OPRM1: variants seen among roughly 807,000 people sequenced by gnomAD.
OPRM1 encodes opioid receptor mu 1.
Under a neutral mutation model 31.8 loss-of-function variants are expected in OPRM1, and 27 were observed. The ratio of observed to expected loss-of-function variants is 0.85; its 90% CI spans 0.63 to 1.17. The LOEUF (loss-of-function observed/expected upper bound fraction) is 1.17. OPRM1 is among the 50% of genes most tolerant of loss of function. The pLI is 0.00. For missense variants in OPRM1, 536 were observed against 511.1 expected, an observed-to-expected ratio of 1.05 and a Z score of -0.47; for synonymous variants, 196 against 189.9, an observed-to-expected ratio of 1.03 and a Z score of -0.26.
Position 154,119,522 on chromosome 6 carries a change from A to G in OPRM1, c.*801A>G. The G allele has an allele frequency of 1.3e-6, 1 of 755,520 alleles. No homozygotes were observed. Among genetic ancestry groups the G allele is most frequent in the Non-Finnish European group, 1.6e-6 (1 of 620,666 alleles). The allele number at this position is 755,520 out of a possible 1,614,324, so 46.8% of individuals were successfully genotyped here. ...TGTTCACAAAAGGTAATAGTCAATG[A>G]GCTCATCACTTCATCCATGCAGGAA... On this transcript the variant is annotated 3_prime_UTR_variant, in exon 4 of 4. Transcript: ENST00000330432.
At chr6:154,099,462 AAGAAAG>A (rs1794087717) in intron 3 of OPRM1, among the ~76,000 whole-genome samples, 1 of 148,288 alleles carries the variant, frequency 6.7e-6, no homozygotes, top group Non-Finnish European at 1.5e-5. Flanking sequence ...GAGAGAAAGA[AAGAAAG>A]AAAAAGAAAG....
downstream of OPRM1, among the ~76,000 whole-genome samples, chr6:154,132,579 TC>T (rs1318715977): frequency 1.3e-5 from 2 of 152,196 alleles, no homozygotes; most frequent in African/African-American, 4.8e-5. Flanking sequence ...AACCATAACT[TC>T]CTAAGCTAGA....
At chr6:154,099,300 GAAGGAAGA>G (rs771454262) in intron 3 of OPRM1, among the ~76,000 whole-genome samples, 5,387 of 80,462 alleles carry the variant, frequency 0.067, 188 homozygotes, top group South Asian at 0.16. Context: ...AGGAAGGAAG[GAAGGAAGA>G]AAGGAAGGAA....
Position 154,075,432 on chromosome 6 carries a change from A to G in OPRM1, c.291-14394A>G, listed in dbSNP as rs192560584. On this transcript the variant is annotated intron_variant, in intron 1 of 3. Transcript: ENST00000330432. ...CATAGAGATTAAATCTGTTTTTTAT[A>G]TAACCAACTAAAATAAGCACTTTTT... is the stretch of plus-strand genomic sequence containing the variant. Among the ~76,000 whole-genome samples, 85 of 151,226 alleles carry G rather than the reference A, an allele frequency of 5.6e-4. 1 individual carries two copies. The East Asian group carries it at 0.013, about 23-fold the overall frequency.
intron 3 of OPRM1, among the ~76,000 whole-genome samples, chr6:154,182,762 C>T (rs1258847043): frequency 6.6e-6 from 1 of 152,058 alleles, no homozygotes; most frequent in African/African-American, 2.4e-5. Flanking sequence ...AATATGTTAG[C>T]TGTGGCACCA....
rs1044655696 is a variant in OPRM1 at position 154,096,622 on chromosome 6, G to A, written c.1164+5150G>A. On this transcript the variant is annotated intron_variant, in intron 3 of 3. Coordinates refer to ENST00000330432, the MANE Select transcript of OPRM1 (RefSeq NM_000914.5). ...TACAGATTCAAAAGTGCTTTTATGG[G>A]CATTATCACATCTGCTTCCTATAAC... is the stretch of plus-strand genomic sequence containing the variant. Among the ~76,000 whole-genome samples, 24 of 152,184 alleles carry A rather than the reference G, an allele frequency of 1.6e-4. 1 individual carries two copies. The highest frequency in any genetic ancestry group is 1.2e-3 in the Admixed American group (19 of 15,298).
chr6:154,140,978 A>G (rs1029628226), intron 3 of OPRM1, among the ~76,000 whole-genome samples: 3 of 152,162 alleles, frequency 2.0e-5, no homozygotes, highest in African/African-American at 7.2e-5. Context: ...TCAGTACTAG[A>G]CTTACAGTTT....
intron 3 of OPRM1, among the ~76,000 whole-genome samples, chr6:154,169,056 A>C (rs1427377225): frequency 6.6e-6 from 1 of 151,326 alleles, no homozygotes; most frequent in Non-Finnish European, 1.5e-5. Flanking sequence ...TCTAAGACCA[A>C]AAGCTCACCC....
chr6:154,189,267 G>C (rs1200156287), intron 3 of OPRM1, among the ~76,000 whole-genome samples: 1 of 152,196 alleles, frequency 6.6e-6, no homozygotes, highest in African/African-American at 2.4e-5. Context: ...GGGGCTTTGA[G>C]AGCGCTCATC....
intron 1 of OPRM1, among the ~76,000 whole-genome samples, chr6:154,011,228 T>A (rs1433133129): frequency 6.6e-6 from 1 of 152,180 alleles, no homozygotes; most frequent in African/African-American, 2.4e-5. Context: ...TGTGTGCATG[T>A]CTGTGTTTTC....
chr6:154,046,093 A>C (rs567372511), intron 1 of OPRM1, among the ~76,000 whole-genome samples: 101 of 152,314 alleles, frequency 6.6e-4, no homozygotes, highest in African/African-American at 2.1e-3. Context: ...ATTGGTGACT[A>C]TACGTTAGCA....
At chr6:154,214,043 T>A (rs946170368) in intron 3 of OPRM1, among the ~76,000 whole-genome samples, 4 of 152,204 alleles carry the variant, frequency 2.6e-5, no homozygotes, top group Non-Finnish European at 5.9e-5. Context: ...CTCTATTCCA[T>A]GTTGGTGAGT....
chr6:154,236,578 A>G (rs929264031), intron 3 of OPRM1, among the ~76,000 whole-genome samples: 36 of 152,238 alleles, frequency 2.4e-4, no homozygotes, highest in Non-Finnish European at 4.0e-4. Flanking sequence ...TTTTAAAGCT[A>G]CTACTCTGAA....
intron 1 of OPRM1, chr6:154,074,506 T>A (rs932277777): frequency 6.6e-6 from 1 of 152,206 alleles, no homozygotes; most frequent in Non-Finnish European, 1.5e-5. Context: ...ACACCTGTAA[T>A]CCTAGCACTT....
intron 1 of OPRM1, among the ~76,000 whole-genome samples, chr6:154,018,064 T>C (rs1417595554): frequency 6.6e-6 from 1 of 152,198 alleles, no homozygotes; most frequent in African/African-American, 2.4e-5. Flanking sequence ...CTTCTGATTT[T>C]TGTTTAACAT....
At chr6:154,206,817 G>A (rs112986053) in intron 3 of OPRM1, among the ~76,000 whole-genome samples, 9 of 152,350 alleles carry the variant, frequency 5.9e-5, no homozygotes, top group African/African-American at 2.2e-4. Flanking sequence ...AGGTACGAGG[G>A]CAGGAATGTC....
chr6:154,226,845 A>T (rs370752189), intron 3 of OPRM1, among the ~76,000 whole-genome samples: 1 of 151,854 alleles, frequency 6.6e-6, no homozygotes, highest in African/African-American at 2.4e-5. Context: ...CCACAATTTC[A>T]TCTCTCCCCC....
At chr6:154,227,203 C>CA (rs1458019097) in intron 3 of OPRM1, among the ~76,000 whole-genome samples, 1 of 150,830 alleles carries the variant, frequency 6.6e-6, no homozygotes, top group Non-Finnish European at 1.5e-5. Context: ...GATTCTGTCT[C>CA]AAAACAAACA....
chr6:154,070,117 T>G (rs1029308162), intron 1 of OPRM1, among the ~76,000 whole-genome samples: 3 of 152,184 alleles, frequency 2.0e-5, no homozygotes, highest in African/African-American at 7.2e-5. Flanking sequence ...CAGTCAGCAC[T>G]CAGAACACAG....
Sources: allele counts gnomAD v4.1 joint callset (sites outside exome capture counted in the v4.1 genomes callset), GRCh38; gene constraint gnomAD v4.1.1; transcripts MANE v1.5; gene names NCBI Gene and HGNC (gene_info 2026-07-23, HGNC 2026-07-21).